KCNMA1: variants seen among roughly 807,000 people sequenced by gnomAD.
KCNMA1 encodes the protein potassium calcium-activated channel subfamily M alpha 1.
Under a neutral mutation model 140.0 loss-of-function variants are expected in KCNMA1, and 29 were observed. The observed-to-expected ratio is 0.21, with a 90% CI of 0.15 to 0.28. The LOEUF (loss-of-function observed/expected upper bound fraction) is 0.28. Ranked by LOEUF, KCNMA1 falls within the 10% of genes least tolerant of loss-of-function variation. KCNMA1 has a pLI of 1.00. For synonymous variants in KCNMA1, 612 were observed against 611.9 expected, an observed-to-expected ratio of 1.00 and a Z score of 0.00; for missense variants, 880 against 1,602.2, an observed-to-expected ratio of 0.55 and a Z score of 7.70.
chr10:77,067,816 C>T (rs1386502623), intron 14 of KCNMA1, among the ~76,000 whole-genome samples: 1 of 152,206 alleles, frequency 6.6e-6, no homozygotes, highest in African/African-American at 2.4e-5. Context: ...TGTGCCCATA[C>T]ATCCAAGTCA....
exon 28 of KCNMA1, chr10:76,870,429 A>C (rs2031056136): frequency 6.6e-6 from 1 of 152,352 alleles, no homozygotes; most frequent in Admixed American, 6.5e-5. Flanking sequence ...ATGGAGGAGA[A>C]GCAGCAGCAC....
chr10:76,905,968 C>T lies in KCNMA1; in HGVS notation c.3147+3998G>A, dbSNP rs148116885. Among the ~76,000 whole-genome samples the T allele has an allele frequency of 5.3e-5, 8 of 152,298 alleles. No individual in the cohort carries two copies. The South Asian group carries it at 6.2e-4, about 12-fold the overall frequency. Reference sequence around the variant, plus strand: ...ACAGAGCTTGTCAAGTGCTAAGCACCGCTCTAATCGCTTTACAACCTTTAC... The same window carrying T: ...ACAGAGCTTGTCAAGTGCTAAGCACTGCTCTAATCGCTTTACAACCTTTAC... On this transcript the variant is annotated intron_variant, in intron 25 of 27. Coordinates refer to ENST00000286628, the MANE Select transcript of KCNMA1 (RefSeq NM_001161352.2).
chr10:76,991,519 T>C (rs1455077866), intron 19 of KCNMA1, among the ~76,000 whole-genome samples: 2 of 152,360 alleles, frequency 1.3e-5, no homozygotes, highest in South Asian at 2.1e-4. Flanking sequence ...TACATATATA[T>C]ACTATATAGT....
intron 21 of KCNMA1, chr10:76,952,283 G>T (rs1202512957): frequency 9.5e-7 from 1 of 1,053,732 alleles, no homozygotes; most frequent in Non-Finnish European, 1.3e-6. Context: ...CACTTTGGGA[G>T]GCCAAGGTTG....
chr10:77,155,685 C>A (rs17391134), intron 5 of KCNMA1, among the ~76,000 whole-genome samples: 15,476 of 152,070 alleles, frequency 0.1, 968 homozygotes, highest in Middle Eastern at 0.17. Context: ...CCATTACGAT[C>A]TGAACTAAAA....
chr10:77,441,664 A>G (rs1263676662), intron 1 of KCNMA1, among the ~76,000 whole-genome samples: 14 of 152,124 alleles, frequency 9.2e-5, no homozygotes, highest in Admixed American at 8.5e-4. Flanking sequence ...ATGAACATCA[A>G]CAAGAGGCTC....
chr10:77,169,962 G>A (rs1021730363), intron 5 of KCNMA1, among the ~76,000 whole-genome samples: 1 of 152,140 alleles, frequency 6.6e-6, no homozygotes, highest in Non-Finnish European at 1.5e-5. Flanking sequence ...AGACCGAGGT[G>A]GGCAGATCAC....
intron 9 of KCNMA1, among the ~76,000 whole-genome samples, chr10:77,101,106 A>C (rs2097086873): frequency 5.3e-5 from 8 of 152,146 alleles, no homozygotes; most frequent in Admixed American, 4.6e-4. Flanking sequence ...CAAGTTTGAA[A>C]GGGACTGAAG....
chr10:77,477,864 T>C (rs1306832843), intron 1 of KCNMA1, among the ~76,000 whole-genome samples: 1 of 152,222 alleles, frequency 6.6e-6, no homozygotes, highest in Non-Finnish European at 1.5e-5. Context: ...AATTAGCTGG[T>C]CCTTCAGACC....
intron 1 of KCNMA1, among the ~76,000 whole-genome samples, chr10:77,439,147 G>A (rs1452556194): frequency 1.9e-5 from 2 of 105,306 alleles, no homozygotes; most frequent in East Asian, 3.0e-4. Context: ...GAAGAGAAGA[G>A]AAAAGAGAAG....
At chr10:77,346,316 G>C (rs1424348708) in intron 2 of KCNMA1, among the ~76,000 whole-genome samples, 1 of 152,190 alleles carries the variant, frequency 6.6e-6, no homozygotes, top group East Asian at 1.9e-4. Context: ...AACCCACCTT[G>C]GTTCTTCCCC....
intron 2 of KCNMA1, among the ~76,000 whole-genome samples, chr10:77,304,867 C>T (rs911732460): frequency 2.0e-5 from 3 of 152,204 alleles, no homozygotes; most frequent in African/African-American, 4.8e-5. Context: ...AAGGCCATTG[C>T]GGTCCAAGAC....
At chr10:77,637,004 A>T (rs2093820084) in intron 1 of KCNMA1, 2 of 1,409,292 alleles carry the variant, frequency 1.4e-6, no homozygotes, top group African/African-American at 2.9e-5. Context: ...GCCGCCAACA[A>T]CCCTACAATA....
At chr10:76,897,704 A>G (rs980386797) in intron 25 of KCNMA1, among the ~76,000 whole-genome samples, 14 of 152,108 alleles carry the variant, frequency 9.2e-5, no homozygotes, top group Non-Finnish European at 1.5e-4. Flanking sequence ...ATTGTAAAAG[A>G]TTATTGTATA....
At chr10:77,224,712 A>G (rs2050752718) in intron 3 of KCNMA1, among the ~76,000 whole-genome samples, 2 of 152,114 alleles carry the variant, frequency 1.3e-5, no homozygotes, top group African/African-American at 2.4e-5. Flanking sequence ...AGTTTCTGGG[A>G]TTCAGATCTT....
At chr10:76,876,336 T>C (rs2032374165), downstream of KCNMA1, 2 of 152,596 alleles carry the variant, frequency 1.3e-5, no homozygotes, top group Admixed American at 1.3e-4. Flanking sequence ...CCAGAGACCT[T>C]GATGATCATA....
chr10:77,109,253 T>C (rs1044935171), intron 8 of KCNMA1, among the ~76,000 whole-genome samples: 1 of 152,156 alleles, frequency 6.6e-6, no homozygotes. Flanking sequence ...TACACATGCA[T>C]GTGCACATTT....
At chr10:77,367,884 T>C (rs1169484936) in intron 2 of KCNMA1, among the ~76,000 whole-genome samples, 1 of 152,242 alleles carries the variant, frequency 6.6e-6, no homozygotes, top group East Asian at 1.9e-4. Flanking sequence ...TATCAATAGT[T>C]CATTCTTTTT....
At chr10:77,050,875 G>C (rs1046637691) in intron 14 of KCNMA1, among the ~76,000 whole-genome samples, 1 of 152,200 alleles carries the variant, frequency 6.6e-6, no homozygotes, top group African/African-American at 2.4e-5. Flanking sequence ...GCCAGTTACA[G>C]AGAAAGCTTT....
Sources: gnomAD v4.1 joint callset for allele counts (sites outside exome capture counted in the v4.1 genomes callset) on GRCh38, gnomAD v4.1.1 for gene constraint, MANE v1.5 for transcripts, NCBI Gene and HGNC (gene_info 2026-07-23, HGNC 2026-07-21) for gene names.